HEATR4: variants seen among roughly 807,000 people sequenced by gnomAD.
The protein encoded by HEATR4 is HEAT repeat containing 4, also known as HEAT repeat-containing protein 4.
A neutral mutation model predicts 108.8 loss-of-function variants in HEATR4; 95 were observed. The observed-to-expected ratio is 0.87, with a 90% confidence interval of 0.74 to 1.04. The LOEUF is 1.04. HEATR4 is among the 50% of genes least tolerant of loss of function. HEATR4 has a pLI of 0.00. For synonymous variants in HEATR4, 443 were observed against 459.4 expected (o/e 0.96, Z 0.46); for missense variants, 1,152 against 1,253.8 (o/e 0.92, Z 1.23).
intron 6 of HEATR4, 79 bp downstream of exon 6, chr14:73,513,952 C>A (rs1887428760): frequency 1.4e-6 from 2 of 1,441,198 alleles, no homozygotes; most frequent in Non-Finnish European, 9.7e-7. Context: ...ATGGATTTTT[C>A]AAAGACTGAG....
Position 73,478,776 on chromosome 14 carries a change from T to A in HEATR4, c.2911A>T (p.Lys971Ter). 13 of 1,613,984 alleles carry A rather than the reference T, an allele frequency of 8.1e-6. No individual in the cohort carries two copies. The highest frequency in any genetic ancestry group is 1.1e-5 in the Non-Finnish European group (13 of 1,179,968). Reference protein sequence around the residue: ...SSVPGLTTRSKVRSSLVKDLR... With the variant: ...SSVPGLTTRS The stretch of plus-strand genomic sequence containing the variant: ...TCTTTGACAAGTGATGAACGAACTT[T>A]GCTTCGTGTGGTTAGGCCTGGGACT... The change falls in exon 18 of 18, where the codon AAA becomes TAA. Residue 971 changes from lysine to a stop codon, truncating the protein, a stop_gained. Transcript: ENST00000553558. LOFTEE classifies it low-confidence loss of function (END_TRUNC).
the HEATR4 span, chr14:73,573,359 T>A: frequency 6.2e-7 from 1 of 1,613,374 alleles, no homozygotes. Context: ...AATAGCTTAG[T>A]TTTGCATTTT....
chr14:73,568,705 G>A, the HEATR4 span, among the ~76,000 whole-genome samples: 7 of 151,966 alleles, frequency 4.6e-5, 1 homozygote, highest in African/African-American at 7.2e-5. Flanking sequence ...GGATTACAAA[G>A]TCAGGAGTTT....
rs775492688 is a variant in HEATR4, at chr14:73,498,221, T to TG, written c.2479dup (p.Gln827ProfsTer37). On this transcript the variant is annotated frameshift_variant, in exon 14 of 18. Coordinates refer to ENST00000553558, the MANE Select transcript of HEATR4 (RefSeq NM_001220484.1). LOFTEE classifies it high-confidence loss of function. ...GAAGGTGTCCCTGACCCGGTCCCCT[T>TG]GAAGTTTCAGGGCTAGGATGCTACG... 4 of 1,614,052 alleles carry TG rather than the reference T, an allele frequency of 2.5e-6. No individual in the cohort carries two copies. The highest frequency in any genetic ancestry group is 3.4e-6 in the Non-Finnish European group (4 of 1,179,988).
In HEATR4 at chr14:73,545,976, C is replaced by T. The variant is rs1385530218; in HGVS notation, c.-152+12775G>A. 2.6e-5 allele frequency among the ~76,000 whole-genome samples: 3 copies of T among 113,584 alleles called. 1 individual carries two copies. The highest frequency in any genetic ancestry group is 1.9e-5 in the Non-Finnish European group (1 of 52,218). 74.5% of individuals were successfully genotyped at this position (113,584 alleles called of 152,430 possible). The stretch of plus-strand genomic sequence containing the variant: ...CCAGCCTGGGTAACATAGTGGGACA[C>T]CATCTTATAAAAACAATTTTTTTTT... On this transcript the variant is annotated intron_variant, in intron 1 of 17. Coordinates refer to ENST00000553558, the MANE Select transcript of HEATR4 (RefSeq NM_001220484.1).
At chr14:73,507,997 C>T (rs763958950) in intron 9 of HEATR4, 137 bp downstream of exon 9, 12 of 765,892 alleles carry the variant, frequency 1.6e-5, no homozygotes, top group East Asian at 2.5e-5. Context: ...CCACCTGCCT[C>T]GGCCTCCCGA....
intron 14 of HEATR4, 70 bp from the exon 15 acceptor site, chr14:73,496,749 T>A: frequency 1.2e-6 from 1 of 857,544 alleles, no homozygotes; most frequent in East Asian, 2.4e-5. Context: ...GTAGAAAATA[T>A]AGGACTTGGA....
the HEATR4 span, chr14:73,619,215 T>C: frequency 6.5e-7 from 1 of 1,533,180 alleles, no homozygotes. Flanking sequence ...CTTGTTTTCC[T>C]TCTCTTTTTC....
chr14:73,600,179 C>T, the HEATR4 span, among the ~76,000 whole-genome samples: 1 of 152,184 alleles, frequency 6.6e-6, no homozygotes, highest in African/African-American at 2.4e-5. Context: ...ACACAGCTGT[C>T]ACTAGCCTGT....
At chr14:73,595,488 TC>T in the HEATR4 span, 6 of 1,613,756 alleles carry the variant, frequency 3.7e-6, no homozygotes, top group African/African-American at 8.0e-5. Context: ...CCTCCTTACT[TC>T]CCCCTGTGCC....
At chr14:73,592,154 A>C in the HEATR4 span, 8 of 1,596,702 alleles carry the variant, frequency 5.0e-6, no homozygotes, top group Non-Finnish European at 6.8e-6. Flanking sequence ...TGGAGCGCGC[A>C]CCCGCGCTGG....
At chr14:73,617,282 T>C in the HEATR4 span, 4 of 1,540,958 alleles carry the variant, frequency 2.6e-6, no homozygotes, top group Non-Finnish European at 3.6e-6. Context: ...CACTGAGAAC[T>C]AGAAACATGC....
At position 73,528,410 on chromosome 14, in the gene HEATR4, A is replaced by AAC. The variant is rs1411670140; in HGVS notation, c.-73+1755_-73+1756insGT. Among the ~76,000 whole-genome samples the AAC allele has an allele frequency of 2.6e-4, 38 of 148,322 alleles. No individual in the cohort carries two copies. In the East Asian group the frequency reaches 6.2e-3, roughly 24 times the overall value. On this transcript the variant is annotated intron_variant, in intron 2 of 17. Coordinates refer to ENST00000553558, the MANE Select transcript of HEATR4 (RefSeq NM_001220484.1). ...TTCATCTCAAAAAAAAAAAAAAAAAAAAAACTTAAGGAATAGTTATTATCT... is the reference window on the plus strand; with the variant it reads ...TTCATCTCAAAAAAAAAAAAAAAAAAACAAAACTTAAGGAATAGTTATTATCT...
the HEATR4 span, chr14:73,592,167 G>T: frequency 6.2e-7 from 1 of 1,603,078 alleles, no homozygotes. Flanking sequence ...CGCGCTGGGC[G>T]GCAGCTTCGC....
At chr14:73,569,540 G>C in the HEATR4 span, 4 of 1,605,558 alleles carry the variant, frequency 2.5e-6, no homozygotes, top group African/African-American at 5.4e-5. Context: ...GCGCGTCCCT[G>C]CGCGACGAGA....
chr14:73,579,288 A>C, the HEATR4 span, among the ~76,000 whole-genome samples: 695 of 92,254 alleles, frequency 7.5e-3, 18 homozygotes, highest in African/African-American at 0.032. Flanking sequence ...AAAAAAAAAA[A>C]AAAAAACGCT....
At chr14:73,591,916 G>T in the HEATR4 span, 2 of 1,344,252 alleles carry the variant, frequency 1.5e-6, no homozygotes, top group Non-Finnish European at 1.9e-6. Flanking sequence ...GATCTTGGAC[G>T]GGTCTCGGGC....
At chr14:73,580,114 A>C in the HEATR4 span, among the ~76,000 whole-genome samples, 2 of 151,866 alleles carry the variant, frequency 1.3e-5, no homozygotes, top group Non-Finnish European at 2.9e-5. Context: ...TAAAAAGTAT[A>C]CAAAGTGATG....
At chr14:73,565,107 T>C in the HEATR4 span, among the ~76,000 whole-genome samples, 1 of 152,102 alleles carries the variant, frequency 6.6e-6, no homozygotes. Flanking sequence ...ATTAAAATGA[T>C]ATGATAAGCA....
Sources: gnomAD v4.1 joint callset for allele counts (sites outside exome capture counted in the v4.1 genomes callset) on GRCh38, gnomAD v4.1.1 for gene constraint, MANE v1.5 for transcripts, NCBI Gene and HGNC (gene_info 2026-07-23, HGNC 2026-07-21) for gene names.